Variants in SLC26A7 observed in about 807,000 individuals in gnomAD.
SLC26A7 encodes the protein solute carrier family 26 member 7.
Under a neutral mutation model 82.5 loss-of-function variants are expected in SLC26A7, and 59 were observed. That is an observed-to-expected ratio of 0.72 (90% confidence interval 0.58 to 0.89). The LOEUF is 0.89. Among genes scored for constraint, SLC26A7 ranks in the 40% least tolerant of loss-of-function variants. The probability of loss-of-function intolerance (pLI) is 0.00; values close to 1 mark genes in which losing one functional copy is unlikely to be tolerated. For synonymous variants in SLC26A7, 271 were observed against 274.3 expected (o/e 0.99, Z 0.12); for missense variants, 820 against 793.0 (o/e 1.03, Z -0.41).
chr8:91,283,797 T>C (rs191203836), intron 2 of SLC26A7, among the ~76,000 whole-genome samples: 306 of 152,344 alleles, frequency 2.0e-3, no homozygotes, highest in African/African-American at 6.8e-3. Flanking sequence ...TTGCTTTTAT[T>C]CATATGAAAT....
intron 14 of SLC26A7, among the ~76,000 whole-genome samples, chr8:91,368,885 T>G (rs1045283269): frequency 6.6e-6 from 1 of 152,182 alleles, no homozygotes; most frequent in African/African-American, 2.4e-5. Context: ...TAGAGAGAGA[T>G]AAAATAACCA....
intron 15 of SLC26A7, among the ~76,000 whole-genome samples, chr8:91,370,784 T>G: frequency 6.6e-6 from 1 of 152,142 alleles, no homozygotes; most frequent in Non-Finnish European, 1.5e-5. Context: ...CTTTTGATAT[T>G]TACTAAGATT....
chr8:91,353,108 C>T, intron 11 of SLC26A7, 112 bp downstream of exon 11: 1 of 644,282 alleles, frequency 1.6e-6, no homozygotes. Flanking sequence ...GAGACTTGTA[C>T]ACTTTACAAA....
At chr8:91,275,459 A>AT (rs1189734480) in intron 2 of SLC26A7, among the ~76,000 whole-genome samples, 1 of 151,636 alleles carries the variant, frequency 6.6e-6, no homozygotes, top group African/African-American at 2.4e-5. Flanking sequence ...TCTTTCACTG[A>AT]TTTTTTTCTT....
chr8:91,351,681 G>A, intron 9 of SLC26A7, 129 bp from the exon 10 acceptor site: 1 of 663,390 alleles, frequency 1.5e-6, no homozygotes. Context: ...CAATTTAACA[G>A]TTATGTGTCA....
At chr8:91,279,982 A>T (rs1811525705) in intron 2 of SLC26A7, among the ~76,000 whole-genome samples, 1 of 152,120 alleles carries the variant, frequency 6.6e-6, no homozygotes, top group Non-Finnish European at 1.5e-5. Context: ...GAGTTGTTTG[A>T]GTTCCTTACA....
chr8:91,316,521 T>G (rs1047486844), intron 4 of SLC26A7, among the ~76,000 whole-genome samples: 7 of 136,974 alleles, frequency 5.1e-5, no homozygotes, highest in Non-Finnish European at 7.8e-5. Flanking sequence ...TTGCCCAGGC[T>G]TCTCTCAAAT....
chr8:91,291,218 A>C (rs1811859997), intron 3 of SLC26A7, among the ~76,000 whole-genome samples: 1 of 152,146 alleles, frequency 6.6e-6, no homozygotes, highest in Non-Finnish European at 1.5e-5. Flanking sequence ...TTGCACGTGA[A>C]AAGAAAACAC....
chr8:91,216,198 A>G (rs1435882705), intron 1 of SLC26A7, among the ~76,000 whole-genome samples: 2 of 152,174 alleles, frequency 1.3e-5, no homozygotes, highest in Middle Eastern at 3.2e-3. Flanking sequence ...TCTCACCAAA[A>G]TATTCATTTT....
Position 91,249,561 on chromosome 8 carries a change from C to A in SLC26A7, c.-91C>A. ...CAGCTTTGACATTGTAAACCACAGACGAATTGGAGCTTGGCATTGAAAGGA... is the reference window on the plus strand; with the variant it reads ...CAGCTTTGACATTGTAAACCACAGAAGAATTGGAGCTTGGCATTGAAAGGA... On this transcript the variant is annotated 5_prime_UTR_variant, in exon 2 of 19. Coordinates refer to ENST00000276609, the MANE Select transcript of SLC26A7 (RefSeq NM_052832.4). 2 of 1,036,646 alleles carry A rather than the reference C, an allele frequency of 1.9e-6. No individual in the cohort carries two copies. Among genetic ancestry groups the A allele is most frequent in the Non-Finnish European group, 2.6e-6 (2 of 758,998 alleles). 64.2% of individuals were successfully genotyped at this position (1,036,646 alleles called of 1,614,324 possible).
At chr8:91,315,374 C>G (rs776678176) in intron 4 of SLC26A7, among the ~76,000 whole-genome samples, 1 of 150,750 alleles carries the variant, frequency 6.6e-6, no homozygotes, top group Non-Finnish European at 1.5e-5. Context: ...TAGAGAAATA[C>G]ATGGGAATAA....
intron 2 of SLC26A7, among the ~76,000 whole-genome samples, chr8:91,252,578 G>T: frequency 6.6e-6 from 1 of 151,748 alleles, no homozygotes; most frequent in Non-Finnish European, 1.5e-5. Context: ...CCAAACACTG[G>T]TGTCCTGGAG....
intron 2 of SLC26A7, among the ~76,000 whole-genome samples, chr8:91,257,442 C>T (rs925475510): frequency 6.6e-6 from 1 of 152,022 alleles, no homozygotes; most frequent in South Asian, 2.1e-4. Context: ...CAGCTCAGAG[C>T]ACTACTGTGG....
At chr8:91,346,905 C>T (rs534384087) in intron 9 of SLC26A7, among the ~76,000 whole-genome samples, 2 of 152,262 alleles carry the variant, frequency 1.3e-5, no homozygotes, top group South Asian at 4.1e-4. Flanking sequence ...TTCCTCCCAT[C>T]CTTCGTATCT....
chr8:91,261,700 C>T (rs1256566754), intron 2 of SLC26A7, among the ~76,000 whole-genome samples: 1 of 152,100 alleles, frequency 6.6e-6, no homozygotes, highest in African/African-American at 2.4e-5. Flanking sequence ...TGGAAAGGAT[C>T]TCAAGGGAAC....
chr8:91,351,079 C>CT (rs1813702578), intron 9 of SLC26A7, among the ~76,000 whole-genome samples: 1 of 152,096 alleles, frequency 6.6e-6, no homozygotes, highest in Admixed American at 6.6e-5. Context: ...TGAAAGCCTT[C>CT]TTTTCTCTTG....
chr8:91,224,978 A>G (rs749824448), intron 2 of SLC26A7, among the ~76,000 whole-genome samples: 20 of 152,232 alleles, frequency 1.3e-4, no homozygotes, highest in Non-Finnish European at 2.5e-4. Context: ...TGACACAGCC[A>G]ATGCGTTGGG....
intron 2 of SLC26A7, among the ~76,000 whole-genome samples, chr8:91,234,776 C>A (rs1357345137): frequency 1.4e-5 from 2 of 145,760 alleles, no homozygotes; most frequent in Non-Finnish European, 3.0e-5. Context: ...TCCTTCCTTC[C>A]TTCCTTCCCT....
intron 3 of SLC26A7, among the ~76,000 whole-genome samples, chr8:91,293,242 C>A (rs757050226): frequency 6.6e-6 from 1 of 152,156 alleles, no homozygotes; most frequent in African/African-American, 2.4e-5. Flanking sequence ...CTGTGACCCA[C>A]AGTACTGTTG....
Sources: allele counts gnomAD v4.1 joint callset (sites outside exome capture counted in the v4.1 genomes callset), GRCh38; gene constraint gnomAD v4.1.1; transcripts MANE v1.5; gene names NCBI Gene and HGNC (gene_info 2026-07-23, HGNC 2026-07-21).